Variants in ZNF536 observed in about 807,000 individuals in gnomAD.
The protein encoded by ZNF536 is zinc finger protein 536.
A neutral mutation model predicts 84.5 loss-of-function variants in ZNF536; 13 were observed. That is an observed-to-expected ratio of 0.15 (90% CI 0.10 to 0.24). The LOEUF (loss-of-function observed/expected upper bound fraction) is 0.24, where lower values mean the gene tolerates loss of function less well. ZNF536 is among the 10% of genes least tolerant of loss of function. The pLI, the probability that ZNF536 is intolerant of heterozygous loss-of-function variation, is 1.00. For missense variants in ZNF536, 1,536 were observed against 1,747.5 expected, an observed-to-expected ratio of 0.88 and a Z score of 2.16; for synonymous variants, 811 against 742.5, an observed-to-expected ratio of 1.09 and a Z score of -1.50.
chr19:30,316,509 A>G (rs889842700), intron 2 of ZNF536, among the ~76,000 whole-genome samples: 2 of 152,082 alleles, frequency 1.3e-5, no homozygotes, highest in Non-Finnish European at 2.9e-5. Flanking sequence ...CCCCTTTGTT[A>G]TACATATTTT....
In ZNF536 at chr19:30,297,876, CTTT is replaced by C. The variant is rs367560638; in HGVS notation, c.-120+13747_-120+13749del. Among the ~76,000 whole-genome samples the C allele has an allele frequency of 2.9e-5, 4 of 138,972 alleles. No individual in the cohort carries two copies. In the South Asian group the frequency reaches 9.1e-4, roughly 32 times the overall value. 91.2% of individuals were successfully genotyped at this position (138,972 alleles called of 152,430 possible). A position where few individuals can be genotyped will look rare whatever the true frequency, so the allele number is the denominator to read the frequency against. On this transcript the variant is annotated intron_variant, in intron 2 of 5. Transcript: ENST00000585628. ...TAAATTTTCCCCACAAACTTCATGC[CTTT>C]TTTTTTTTTTTCTCAAGACGGAGTC...
In ZNF536 at chr19:30,443,699, C is replaced by T. The variant is rs1475559754; in HGVS notation, c.137C>T (p.Ala46Val). Residue 46 changes from alanine to valine, a missense_variant, in exon 2 of 5, where the codon GCC (alanine) becomes GTC (valine). Physicochemically the swap from Ala to Val is moderately conservative, Grantham distance 64. This residue lies in a region of ZNF536 where 161 missense variants were observed against 178.5 expected (regional missense o/e 0.90). Transcript: ENST00000355537. ...LHQITSQLSH[A>V]FPELHPRPNP... ...CAGATCACCTCCCAGCTCAGCCATGCCTTCCCCGAGCTCCATCCCCGGCCC... is the reference window on the plus strand; with the variant it reads ...CAGATCACCTCCCAGCTCAGCCATGTCTTCCCCGAGCTCCATCCCCGGCCC... 1.9e-6 allele frequency: 3 copies of T among 1,613,816 alleles called. No individual in the cohort carries two copies. Among genetic ancestry groups the T allele is most frequent in the Non-Finnish European group, 2.5e-6 (3 of 1,179,936 alleles).
intron 2 of ZNF536, among the ~76,000 whole-genome samples, chr19:30,307,604 C>T (rs927927488): frequency 6.6e-6 from 1 of 152,088 alleles, no homozygotes; most frequent in African/African-American, 2.4e-5. Flanking sequence ...CTGAGAGCCC[C>T]TTCTCCTGAT....
intron 1 of ZNF536, among the ~76,000 whole-genome samples, chr19:30,254,839 A>G (rs928701161): frequency 1.3e-5 from 2 of 152,238 alleles, no homozygotes; most frequent in Non-Finnish European, 2.9e-5. Context: ...CTGAGCCGAA[A>G]GCCTGAACCT....
intron 1 of ZNF536, among the ~76,000 whole-genome samples, chr19:30,375,869 G>A (rs2147097106): frequency 6.6e-6 from 1 of 151,708 alleles, no homozygotes; most frequent in Non-Finnish European, 1.5e-5. Context: ...GTGTGTAGGC[G>A]CGTGTGTGTG....
intron 2 of ZNF536, among the ~76,000 whole-genome samples, chr19:30,486,041 GA>G (rs1192838730): frequency 1.3e-5 from 2 of 152,114 alleles, no homozygotes; most frequent in Admixed American, 6.6e-5. Context: ...AGGAAAGGGA[GA>G]GGGTGCTCAG....
chr19:30,424,023 G>A (rs1167690827), intron 1 of ZNF536, among the ~76,000 whole-genome samples: 1 of 152,318 alleles, frequency 6.6e-6, no homozygotes, highest in East Asian at 1.9e-4. Flanking sequence ...GCTTTGCTGG[G>A]GGCCTGGGCT....
chr19:30,305,874 C>T (rs2046327595), intron 2 of ZNF536, among the ~76,000 whole-genome samples: 1 of 152,230 alleles, frequency 6.6e-6, no homozygotes, highest in African/African-American at 2.4e-5. Flanking sequence ...GGCGCCCTGT[C>T]CTCCCTCGGT....
intron 2 of ZNF536, among the ~76,000 whole-genome samples, chr19:30,463,214 G>T (rs2053235680): frequency 6.6e-6 from 1 of 152,140 alleles, no homozygotes; most frequent in Non-Finnish European, 1.5e-5. Flanking sequence ...CTCCCCCAAG[G>T]ACTATGACCT....
At chr19:30,301,743 C>G (rs1488110668) in intron 2 of ZNF536, among the ~76,000 whole-genome samples, 1 of 151,936 alleles carries the variant, frequency 6.6e-6, no homozygotes, top group Non-Finnish European at 1.5e-5. Context: ...ATTATGCACT[C>G]TGCATTTGGA....
At chr19:30,493,217 C>T (rs1028962063) in intron 2 of ZNF536, among the ~76,000 whole-genome samples, 3 of 142,748 alleles carry the variant, frequency 2.1e-5, no homozygotes, top group African/African-American at 7.8e-5. Context: ...CTAATGAAAA[C>T]GTGTGTAATG....
chr19:30,456,466 G>A (rs1263716116), intron 2 of ZNF536, among the ~76,000 whole-genome samples: 2 of 152,050 alleles, frequency 1.3e-5, no homozygotes, highest in Non-Finnish European at 2.9e-5. Flanking sequence ...TGAGTCCGAG[G>A]TGGCAGAGCT....
chr19:30,437,495 C>T (rs1190350666), intron 1 of ZNF536, among the ~76,000 whole-genome samples: 1 of 152,156 alleles, frequency 6.6e-6, no homozygotes, highest in East Asian at 1.9e-4. Context: ...TGTGAAATTG[C>T]ATTGTTCAAG....
chr19:30,464,591 C>T (rs920298505), intron 2 of ZNF536, among the ~76,000 whole-genome samples: 13 of 151,848 alleles, frequency 8.6e-5, no homozygotes, highest in African/African-American at 2.9e-4. Context: ...GTGGCAGCTC[C>T]GCCAGCTTCT....
At chr19:30,229,969 C>G (rs745454832) in intron 1 of ZNF536, among the ~76,000 whole-genome samples, 1 of 152,170 alleles carries the variant, frequency 6.6e-6, no homozygotes, top group Non-Finnish European at 1.5e-5. Flanking sequence ...ACTTTTAAGA[C>G]TTTCATTTCC....
intron 2 of ZNF536, among the ~76,000 whole-genome samples, chr19:30,464,758 GA>G (rs1348469046): frequency 1.3e-5 from 2 of 152,104 alleles, no homozygotes; most frequent in Admixed American, 1.3e-4. Flanking sequence ...GAGCACAGGA[GA>G]AAGGGCAGAA....
intron 1 of ZNF536, among the ~76,000 whole-genome samples, chr19:30,422,848 T>A (rs1247352943): frequency 1.8e-5 from 2 of 114,108 alleles, no homozygotes; most frequent in African/African-American, 6.9e-5. Context: ...CATCCATCCA[T>A]CCATCCAACC....
chr19:30,501,518 C>G lies in ZNF536; in HGVS notation c.2171-33329C>G, dbSNP rs544218573. Among the ~76,000 whole-genome samples the G allele has an allele frequency of 6.6e-5, 10 of 152,270 alleles. No homozygotes were observed. The South Asian group carries it at 2.1e-3, about 32-fold the overall frequency. The stretch of plus-strand genomic sequence containing the variant: ...ATTTCACTTGTTTTTATGCTGGTCT[C>G]CCAGCATAAATTTGACCTCCTTTCA... On this transcript the variant is annotated intron_variant, in intron 2 of 4. Coordinates refer to ENST00000355537, the MANE Select transcript of ZNF536 (RefSeq NM_014717.3).
chr19:30,327,484 A>T (rs1286691020), intron 2 of ZNF536, among the ~76,000 whole-genome samples: 1 of 152,184 alleles, frequency 6.6e-6, no homozygotes, highest in Non-Finnish European at 1.5e-5. Flanking sequence ...TAAGACTTCA[A>T]TTTTGGATTT....
Sources: allele counts gnomAD v4.1 joint callset (sites outside exome capture counted in the v4.1 genomes callset), GRCh38; gene constraint gnomAD v4.1.1; regional missense constraint gnomAD v4.1.1; transcripts MANE v1.5; gene names NCBI Gene and HGNC (gene_info 2026-07-23, HGNC 2026-07-21).